The following LIN54 variants were observed in gnomAD, a reference collection of about 807,000 sequenced individuals.
LIN54 encodes the protein lin-54 DREAM MuvB core complex component.
LIN54 carries 9 observed loss-of-function variants against 78.7 expected under a neutral mutation model. That is an observed-to-expected ratio of 0.11 (90% CI 0.07 to 0.20). The LOEUF is 0.20. Among genes scored for constraint, LIN54 ranks in the 10% least tolerant of loss-of-function variants. The probability of loss-of-function intolerance (pLI) is 1.00; values close to 1 mark genes in which losing one functional copy is unlikely to be tolerated. For synonymous variants in LIN54, 269 were observed against 318.4 expected (o/e 0.84, Z 1.65); for missense variants, 573 against 889.9 (o/e 0.64, Z 4.53).
intron 1 of LIN54, among the ~76,000 whole-genome samples, chr4:82,999,641 G>A (rs570186611): frequency 2.6e-5 from 4 of 151,780 alleles, no homozygotes; most frequent in African/African-American, 4.8e-5. Context: ...AGCTGTGCAC[G>A]GTGGTACACG....
chr4:83,001,830 A>G (rs1368665655), intron 1 of LIN54, among the ~76,000 whole-genome samples: 24 of 127,546 alleles, frequency 1.9e-4, no homozygotes, highest in African/African-American at 6.4e-4. Flanking sequence ...CCTGGGCGAC[A>G]GAGCAAGACT....
intron 5 of LIN54, among the ~76,000 whole-genome samples, chr4:82,943,484 A>T (rs1723104905): frequency 6.6e-6 from 1 of 152,214 alleles, no homozygotes; most frequent in Non-Finnish European, 1.5e-5. Context: ...GATGAACTAG[A>T]GCAACTATTT....
intron 4 of LIN54, among the ~76,000 whole-genome samples, chr4:82,948,023 C>A: frequency 1.3e-5 from 2 of 151,650 alleles, no homozygotes; most frequent in African/African-American, 2.4e-5. Flanking sequence ...AAGCAAAAAC[C>A]AGATTCAAAA....
At position 82,939,524 on chromosome 4, in the gene LIN54, A is replaced by C; in HGVS notation, c.1440+15T>G. ...ATCACTTTTGCAATACAATGACTTC[A>C]TTTTTTCCACATACCTGAGTAACAT... On this transcript the variant is annotated intron_variant, in intron 7 of 12. Coordinates refer to ENST00000340417, the MANE Select transcript of LIN54 (RefSeq NM_194282.4). The C allele has an allele frequency of 6.2e-7, 1 of 1,609,200 alleles. No homozygotes were observed. Among genetic ancestry groups the C allele is most frequent in the African/African-American group, 1.3e-5 (1 of 74,912 alleles).
intron 1 of LIN54, among the ~76,000 whole-genome samples, chr4:82,999,714 G>A (rs187230578): frequency 7.0e-6 from 1 of 142,864 alleles, no homozygotes; most frequent in East Asian, 2.1e-4. Context: ...GGAGGCAGAG[G>A]CTACAGTGAG....
At chr4:82,937,623 C>T (rs1722493174) in intron 8 of LIN54, among the ~76,000 whole-genome samples, 1 of 152,086 alleles carries the variant, frequency 6.6e-6, no homozygotes, top group Admixed American at 6.6e-5. Flanking sequence ...AAACACTGTC[C>T]CTTCTAAGAA....
At chr4:82,937,965 T>C (rs1315875308) in intron 8 of LIN54, among the ~76,000 whole-genome samples, 1 of 152,018 alleles carries the variant, frequency 6.6e-6, no homozygotes, top group Non-Finnish European at 1.5e-5. Context: ...ACCGCATCTC[T>C]ACAAAAAAAT....
At chr4:82,978,341 A>G (rs1465245837) in intron 3 of LIN54, among the ~76,000 whole-genome samples, 1 of 152,258 alleles carries the variant, frequency 6.6e-6, no homozygotes, top group Non-Finnish European at 1.5e-5. Flanking sequence ...AACTCCATAT[A>G]GAGTATATTA....
chr4:82,947,335 C>G (rs1303776550), intron 4 of LIN54, among the ~76,000 whole-genome samples: 2 of 145,610 alleles, frequency 1.4e-5, no homozygotes, highest in African/African-American at 5.1e-5. Flanking sequence ...TGGGCTCAAG[C>G]CATCCTCCTG....
At chr4:82,999,797 G>A (rs10017742) in intron 1 of LIN54, among the ~76,000 whole-genome samples, 49 of 137,648 alleles carry the variant, frequency 3.6e-4, no homozygotes, top group South Asian at 6.6e-4. Context: ...AAAAAAAAAG[G>A]CAAGAAAACA....
intron 1 of LIN54, among the ~76,000 whole-genome samples, chr4:82,987,952 C>T (rs1049931286): frequency 2.6e-5 from 4 of 152,206 alleles, no homozygotes; most frequent in Admixed American, 6.5e-5. Context: ...TGAGGAATCA[C>T]CATACTGTCT....
chr4:82,946,436 T>A lies in LIN54; in HGVS notation c.990A>T (p.Gly330=), dbSNP rs756139619. The A allele has an allele frequency of 1.4e-5, 22 of 1,614,092 alleles. No homozygotes were observed. In the South Asian group the frequency reaches 2.3e-4, roughly 17 times the overall value. ...TTGTCTTAAACTGTGATGTGCTCAC[T>A]CCTCCAACAGTGATGGTCTGCACAG... The part of the protein sequence containing the change: ...KSTVQTITVG[G]VSTSQFKTII... Residue 330 remains glycine (G), a synonymous_variant, in exon 5 of 13, where the codon GGA becomes GGT. Coordinates refer to ENST00000340417, the MANE Select transcript of LIN54 (RefSeq NM_194282.4).
intron 3 of LIN54, 55 bp downstream of exon 3, chr4:82,978,828 T>C: frequency 8.5e-7 from 1 of 1,177,604 alleles, no homozygotes; most frequent in Non-Finnish European, 1.2e-6. Flanking sequence ...AACAGCCTTT[T>C]TAAATCTAAA....
chr4:82,969,598 T>G (rs1291137062), intron 4 of LIN54, among the ~76,000 whole-genome samples: 1 of 152,240 alleles, frequency 6.6e-6, no homozygotes, highest in Non-Finnish European at 1.5e-5. Flanking sequence ...TGTTTAACGT[T>G]TGTTCTATTT....
intron 4 of LIN54, among the ~76,000 whole-genome samples, chr4:82,960,977 T>A (rs1283892348): frequency 6.6e-6 from 1 of 152,052 alleles, no homozygotes; most frequent in Non-Finnish European, 1.5e-5. Context: ...GAAGGATCAC[T>A]TCAGACCAGG....
At chr4:82,996,093 C>T (rs573611071) in intron 1 of LIN54, among the ~76,000 whole-genome samples, 4 of 151,634 alleles carry the variant, frequency 2.6e-5, no homozygotes, top group African/African-American at 7.2e-5. Flanking sequence ...TGCGGTGAGC[C>T]GAAATCATGA....
At chr4:83,010,324 C>CA (rs1353491478) in intron 1 of LIN54, among the ~76,000 whole-genome samples, 160 bp downstream of exon 1, 1 of 152,174 alleles carries the variant, frequency 6.6e-6, no homozygotes, top group Non-Finnish European at 1.5e-5. Context: ...TCTTAACACT[C>CA]AAAGAATAAT....
At chr4:82,957,112 T>C (rs928582054) in intron 4 of LIN54, among the ~76,000 whole-genome samples, 2 of 152,226 alleles carry the variant, frequency 1.3e-5, no homozygotes, top group Non-Finnish European at 2.9e-5. Context: ...ATTGTATTCA[T>C]TACCACCACA....
At chr4:82,998,657 A>T (rs955860009) in intron 1 of LIN54, among the ~76,000 whole-genome samples, 3 of 152,082 alleles carry the variant, frequency 2.0e-5, no homozygotes, top group Non-Finnish European at 4.4e-5. Flanking sequence ...AGAAAGAAAG[A>T]AAGAATCTGA....
Sources: gnomAD v4.1 joint callset for allele counts (sites outside exome capture counted in the v4.1 genomes callset) on GRCh38, gnomAD v4.1.1 for gene constraint, MANE v1.5 for transcripts, NCBI Gene and HGNC (gene_info 2026-07-23, HGNC 2026-07-21) for gene names.